VRK2: variants seen among roughly 807,000 people sequenced by gnomAD.
VRK2 encodes the protein VRK serine/threonine kinase 2, also known as serine/threonine-protein kinase VRK2.
A neutral mutation model predicts 57.6 loss-of-function variants in VRK2; 60 were observed. The ratio of observed to expected loss-of-function variants is 1.04; its 90% confidence interval spans 0.85 to 1.29. The LOEUF is 1.29. Among genes scored for constraint, VRK2 ranks in the 50% most tolerant of loss-of-function variants. VRK2 has a pLI of 0.00. For synonymous variants in VRK2, 231 were observed against 199.2 expected (o/e 1.16, Z -1.35); for missense variants, 705 against 588.1 (o/e 1.20, Z -2.06).
At chr2:58,076,211 G>T (rs1182875522) in intron 2 of VRK2, among the ~76,000 whole-genome samples, 2 of 151,188 alleles carry the variant, frequency 1.3e-5, no homozygotes, top group African/African-American at 2.4e-5. Flanking sequence ...TCCTTACAGT[G>T]GGGTTATGTC....
rs748494120 is a variant in VRK2 at position 58,033,664 on chromosome 2, TTTAA to T, written c.-6+114_-6+117del. 7.2e-5 allele frequency: 11 copies of T among 152,206 alleles called. No individual in the cohort carries two copies. The East Asian group carries it at 7.7e-4, about 11-fold the overall frequency. 9.4% of individuals were successfully genotyped at this position (152,206 alleles called of 1,614,324 possible). A position where few individuals can be genotyped will look rare whatever the true frequency, so the allele number is the denominator to read the frequency against. ...TAGTTTCATAAGTAAAAATATCCTC[TTTAA>T]TTGTTATTTACATTTATATGAATCA... On this transcript the variant is annotated intron_variant, in intron 3 of 15. Coordinates refer to the VRK2 transcript ENST00000417641.
intron 1 of VRK2, among the ~76,000 whole-genome samples, chr2:57,993,186 A>G (rs2104088871): frequency 6.6e-6 from 1 of 152,364 alleles, no homozygotes; most frequent in East Asian, 1.9e-4. Flanking sequence ...AACATTTAGC[A>G]AAATTAAACT....
intron 1 of VRK2, among the ~76,000 whole-genome samples, chr2:57,923,740 C>T (rs1400523226): frequency 2.6e-5 from 4 of 151,738 alleles, no homozygotes; most frequent in African/African-American, 7.3e-5. Flanking sequence ...AGTTGTGATC[C>T]CGTTTATCCC....
intron 12 of VRK2, among the ~76,000 whole-genome samples, chr2:58,154,321 CTTTTT>C (rs149177287): frequency 7.5e-5 from 11 of 146,124 alleles, no homozygotes; most frequent in South Asian, 2.2e-4. Flanking sequence ...CTTTGGATTT[CTTTTT>C]TTTTTAATTC....
At chr2:58,009,431 A>G (rs536241316) in intron 1 of VRK2, among the ~76,000 whole-genome samples, 1 of 151,602 alleles carries the variant, frequency 6.6e-6, no homozygotes, top group Admixed American at 6.6e-5. Context: ...GTGATATATA[A>G]ACAAAGGGAA....
chr2:58,049,067 G>T, intron 2 of VRK2, 100 bp downstream of exon 2: 2 of 1,390,224 alleles, frequency 1.4e-6, no homozygotes, highest in African/African-American at 1.5e-5. Flanking sequence ...ATTCATATGT[G>T]TACTTTATTA....
At chr2:58,039,566 T>C (rs575827149) in intron 3 of VRK2, among the ~76,000 whole-genome samples, 26 of 152,128 alleles carry the variant, frequency 1.7e-4, no homozygotes, top group Non-Finnish European at 3.4e-4. Flanking sequence ...CCCAACTCAT[T>C]ACCCCAATAA....
chr2:58,115,383 G>T (rs1676276738), intron 7 of VRK2, among the ~76,000 whole-genome samples: 1 of 152,200 alleles, frequency 6.6e-6, no homozygotes, highest in Non-Finnish European at 1.5e-5. Flanking sequence ...GGAGCAGAAA[G>T]TATATGCGTC....
intron 8 of VRK2, among the ~76,000 whole-genome samples, chr2:58,128,601 G>A (rs1678712018): frequency 6.6e-6 from 1 of 152,078 alleles, no homozygotes; most frequent in East Asian, 1.9e-4. Context: ...CAAAGTACTG[G>A]GATTACAGGT....
intron 1 of VRK2, among the ~76,000 whole-genome samples, chr2:57,961,761 AGCACTGATAGAG>A (rs1034775464): frequency 3.9e-5 from 6 of 152,132 alleles, no homozygotes; most frequent in Admixed American, 3.9e-4. Context: ...GTACATAGAG[AGCACTGATAGAG>A]GCTCAGTCAA....
intron 1 of VRK2, among the ~76,000 whole-genome samples, chr2:57,954,486 T>C (rs1671521114): frequency 1.3e-5 from 2 of 152,254 alleles, no homozygotes; most frequent in African/African-American, 4.8e-5. Flanking sequence ...GTCTAATGTT[T>C]TCTTTTTTCC....
intron 2 of VRK2, among the ~76,000 whole-genome samples, chr2:58,080,046 A>C (rs1477734393): frequency 6.6e-6 from 1 of 151,950 alleles, no homozygotes; most frequent in Non-Finnish European, 1.5e-5. Context: ...TACATGCCTG[A>C]GGCTCTATTT....
intron 7 of VRK2, among the ~76,000 whole-genome samples, chr2:58,112,053 C>T (rs1558649506): frequency 6.6e-6 from 1 of 152,106 alleles, no homozygotes; most frequent in Non-Finnish European, 1.5e-5. Flanking sequence ...TAGTTCTGCA[C>T]AAACTCATTT....
chr2:58,150,188 G>C (rs1163512685), intron 12 of VRK2, among the ~76,000 whole-genome samples: 1 of 151,278 alleles, frequency 6.6e-6, no homozygotes, highest in Non-Finnish European at 1.5e-5. Flanking sequence ...GTTTTTGTAA[G>C]ATTTGCCTTT....
intron 2 of VRK2, among the ~76,000 whole-genome samples, chr2:58,074,611 A>G (rs976485389): frequency 6.6e-6 from 1 of 152,116 alleles, no homozygotes; most frequent in Non-Finnish European, 1.5e-5. Context: ...TCACTTATTC[A>G]TAAGCTATAA....
chr2:58,036,761 T>G (rs1215356715), intron 3 of VRK2, among the ~76,000 whole-genome samples: 1 of 152,020 alleles, frequency 6.6e-6, no homozygotes, highest in African/African-American at 2.4e-5. Flanking sequence ...TGCTCAAGTC[T>G]CCAGTGATTT....
upstream of VRK2, among the ~76,000 whole-genome samples, chr2:58,042,007 C>G (rs539280240): frequency 6.6e-6 from 1 of 152,006 alleles, no homozygotes. Context: ...CTAAAACATA[C>G]GAAACCAAAC....
At chr2:57,915,751 A>G (rs1391370433) in intron 1 of VRK2, among the ~76,000 whole-genome samples, 1 of 152,184 alleles carries the variant, frequency 6.6e-6, no homozygotes, top group Non-Finnish European at 1.5e-5. Context: ...TGGGCTGCAG[A>G]CCAGTACCGG....
chr2:57,952,842 T>G (rs1444580768), intron 1 of VRK2, among the ~76,000 whole-genome samples: 2 of 152,006 alleles, frequency 1.3e-5, no homozygotes, highest in Non-Finnish European at 2.9e-5. Flanking sequence ...CCATCTCCAC[T>G]GAAACCTAAA....
Sources: gnomAD v4.1 joint callset for allele counts (sites outside exome capture counted in the v4.1 genomes callset) on GRCh38, gnomAD v4.1.1 for gene constraint, MANE v1.5 for transcripts, NCBI Gene and HGNC (gene_info 2026-07-23, HGNC 2026-07-21) for gene names.